CLVS1: variants seen among roughly 807,000 people sequenced by gnomAD.
CLVS1 encodes the protein clavesin-1.
A neutral mutation model predicts 33.1 loss-of-function variants in CLVS1; 10 were observed. The ratio of observed to expected loss-of-function variants is 0.30; its 90% CI spans 0.19 to 0.51. CLVS1 has a LOEUF of 0.51. CLVS1 is among the 20% of genes least tolerant of loss of function. CLVS1 has a pLI of 0.97. For synonymous variants in CLVS1, 163 were observed against 166.1 expected, an observed-to-expected ratio of 0.98 and a Z score of 0.14; for missense variants, 343 against 433.4, an observed-to-expected ratio of 0.79 and a Z score of 1.85.
chr8:61,085,750 A>G (rs1276094268), intron 1 of CLVS1, among the ~76,000 whole-genome samples: 1 of 149,746 alleles, frequency 6.7e-6, no homozygotes, highest in Non-Finnish European at 1.5e-5. Context: ...AAAAGGGCAC[A>G]GTGGCTCACA....
chr8:61,166,553 TTTTG>T (rs887811801), intron 2 of CLVS1, among the ~76,000 whole-genome samples: 1 of 151,810 alleles, frequency 6.6e-6, no homozygotes, highest in African/African-American at 2.4e-5. Flanking sequence ...AAGCTTTTTT[TTTTG>T]TTTCAATTGT....
chr8:61,011,775 G>A, the CLVS1 span, among the ~76,000 whole-genome samples: 60 of 152,176 alleles, frequency 3.9e-4, 1 homozygote, highest in Non-Finnish European at 1.2e-4. Flanking sequence ...ATTCCATTAT[G>A]AGTGTGGTGA....
At chr8:61,186,695 A>C (rs1437388551) in intron 2 of CLVS1, among the ~76,000 whole-genome samples, 1 of 152,182 alleles carries the variant, frequency 6.6e-6, no homozygotes, top group African/African-American at 2.4e-5. Flanking sequence ...GGAGAGAGGG[A>C]GAGAGAAAAA....
chr8:61,393,099 C>A (rs1814372976), intron 3 of CLVS1, among the ~76,000 whole-genome samples: 1 of 152,010 alleles, frequency 6.6e-6, no homozygotes, highest in African/African-American at 2.4e-5. Flanking sequence ...TCAGGCTGAT[C>A]TCCAACTCCT....
At chr8:61,015,498 C>T in the CLVS1 span, among the ~76,000 whole-genome samples, 1 of 152,184 alleles carries the variant, frequency 6.6e-6, no homozygotes, top group African/African-American at 2.4e-5. Context: ...TCAGAGGGTC[C>T]AATGTCAGGC....
At position 61,229,184 on chromosome 8, in the gene CLVS1, T is replaced by TCAA. The variant is rs1377199790; in HGVS notation, c.-151-70490_-151-70488dup. On this transcript the variant is annotated intron_variant, in intron 2 of 2. Transcript: ENST00000522621. ...TGAATTTCAATGAGTAAGTTAAAGC[T>TCAA]CAACAGCTAAGTGGTTTGTCTCATC... 3.9e-5 allele frequency among the ~76,000 whole-genome samples: 6 copies of TCAA among 152,346 alleles called. No homozygotes were observed. In the East Asian group the frequency reaches 9.6e-4, roughly 24 times the overall value.
intron 2 of CLVS1, among the ~76,000 whole-genome samples, chr8:61,306,203 A>AT (rs1405966319): frequency 6.6e-6 from 1 of 152,040 alleles, no homozygotes; most frequent in African/African-American, 2.4e-5. Flanking sequence ...ATCATCTGTT[A>AT]TTTTTTGACT....
chr8:61,002,275 C>G, the CLVS1 span, among the ~76,000 whole-genome samples: 15 of 152,004 alleles, frequency 9.9e-5, no homozygotes, highest in African/African-American at 3.6e-4. Context: ...AGCAACTGCA[C>G]CCAGCTGATC....
At chr8:61,338,002 G>A (rs916132123) in intron 2 of CLVS1, among the ~76,000 whole-genome samples, 7 of 152,080 alleles carry the variant, frequency 4.6e-5, no homozygotes, top group African/African-American at 7.2e-5. Flanking sequence ...TGATCTCCTC[G>A]CTTCCAGACA....
intron 2 of CLVS1, among the ~76,000 whole-genome samples, chr8:61,336,097 T>C (rs1811788928): frequency 6.6e-6 from 1 of 152,068 alleles, no homozygotes; most frequent in African/African-American, 2.4e-5. Context: ...TCATTCCCAC[T>C]CTACGCTGCT....
the CLVS1 span, among the ~76,000 whole-genome samples, chr8:61,034,996 G>A: frequency 6.6e-6 from 1 of 152,138 alleles, no homozygotes; most frequent in Non-Finnish European, 1.5e-5. Context: ...AAGCGTCCTT[G>A]AGGGTGAAGA....
At chr8:61,415,943 T>C (rs1475268572) in intron 3 of CLVS1, among the ~76,000 whole-genome samples, 3 of 152,148 alleles carry the variant, frequency 2.0e-5, no homozygotes, top group African/African-American at 7.2e-5. Flanking sequence ...CACTAGAACC[T>C]GACCAGCACA....
chr8:61,428,690 T>C (rs1815991786), intron 3 of CLVS1, among the ~76,000 whole-genome samples: 1 of 152,190 alleles, frequency 6.6e-6, no homozygotes, highest in Non-Finnish European at 1.5e-5. Flanking sequence ...TCAACCCCCA[T>C]TATATGCCAG....
chr8:61,004,488 T>C, the CLVS1 span, among the ~76,000 whole-genome samples: 1 of 152,162 alleles, frequency 6.6e-6, no homozygotes, highest in South Asian at 2.1e-4. Context: ...GAAGGCTCAG[T>C]TCAGACTCCA....
intron 2 of CLVS1, among the ~76,000 whole-genome samples, chr8:61,228,004 G>A (rs928518234): frequency 6.6e-6 from 1 of 152,054 alleles, no homozygotes; most frequent in African/African-American, 2.4e-5. Flanking sequence ...GTGATGTGAA[G>A]ACAAAAAACG....
chr8:61,084,213 C>T (rs1200145304), intron 1 of CLVS1, among the ~76,000 whole-genome samples: 1 of 152,108 alleles, frequency 6.6e-6, no homozygotes, highest in Non-Finnish European at 1.5e-5. Context: ...TTCTGGTTTT[C>T]CTATTATTTT....
At chr8:61,175,527 G>A (rs1807096760) in intron 2 of CLVS1, among the ~76,000 whole-genome samples, 1 of 152,154 alleles carries the variant, frequency 6.6e-6, no homozygotes, top group Non-Finnish European at 1.5e-5. Flanking sequence ...ACCTTATTTG[G>A]AAATAAGGTT....
At chr8:61,499,408 A>G (rs1430147587) in intron 5 of CLVS1, 47 bp from the exon 6 acceptor site, 12 of 1,382,426 alleles carry the variant, frequency 8.7e-6, no homozygotes, top group Non-Finnish European at 1.2e-5. Flanking sequence ...CAAAATTGTC[A>G]CCATGAATTG....
At chr8:61,389,397 CA>C (rs1281019755) in intron 3 of CLVS1, among the ~76,000 whole-genome samples, 1 of 152,028 alleles carries the variant, frequency 6.6e-6, no homozygotes, top group East Asian at 1.9e-4. Flanking sequence ...AAAAATTAGC[CA>C]GATGTGGTGG....
Sources: gnomAD v4.1 joint callset for allele counts (sites outside exome capture counted in the v4.1 genomes callset) on GRCh38, gnomAD v4.1.1 for gene constraint, MANE v1.5 for transcripts, NCBI Gene and HGNC (gene_info 2026-07-23, HGNC 2026-07-21) for gene names.